Variants in DDX60 observed in about 807,000 individuals in gnomAD.
The protein encoded by DDX60 is probable ATP-dependent RNA helicase DDX60.
DDX60 carries 165 observed loss-of-function variants against 212.8 expected under a neutral mutation model. The observed-to-expected ratio is 0.78, with a 90% CI of 0.68 to 0.88. The LOEUF is 0.88. DDX60 is among the 40% of genes least tolerant of loss of function. The probability of loss-of-function intolerance (pLI) is 0.00; values close to 1 mark genes in which losing one functional copy is unlikely to be tolerated. For synonymous variants in DDX60, 703 were observed against 685.3 expected, an observed-to-expected ratio of 1.03 and a Z score of -0.40; for missense variants, 1,905 against 2,003.9, an observed-to-expected ratio of 0.95 and a Z score of 0.94.
rs35921068 is a variant in DDX60 at position 168,292,024 on chromosome 4, CCTTTCTTT to C, written c.883-126_883-119del. 1,235 of 509,384 alleles carry C rather than the reference CCTTTCTTT, an allele frequency of 2.4e-3. 6 individuals are homozygous for C. Among genetic ancestry groups the C allele is most frequent in the African/African-American group, 0.019 (806 of 41,690 alleles). 31.6% of individuals were successfully genotyped at this position (509,384 alleles called of 1,614,324 possible). A position where few individuals can be genotyped will look rare whatever the true frequency, so the allele number is the denominator to read the frequency against. ...TGCTGTTCAGGAATCATGAATTATT[CCTTTCTTT>C]CTTTCTTTCTTTCTTTCTTTTTTTT... On this transcript the variant is annotated intron_variant, in intron 7 of 37. Transcript: ENST00000393743.
intron 22 of DDX60, among the ~76,000 whole-genome samples, chr4:168,266,738 T>TTCCAAA (rs1734864505): frequency 6.6e-6 from 1 of 152,214 alleles, no homozygotes; most frequent in East Asian, 1.9e-4. Context: ...GGTATGCATT[T>TTCCAAA]AGCTTTTTCC....
chr4:168,216,948 C>A lies in DDX60; in HGVS notation c.5124G>T (p.Lys1708Asn), dbSNP rs755906708. Residue 1708 changes from lysine to asparagine, a missense_variant, in exon 38 of 38, where the codon AAG becomes AAT. Physicochemically the swap from Lys to Asn is moderately conservative, Grantham distance 94. Coordinates refer to ENST00000393743, the MANE Select transcript of DDX60 (RefSeq NM_017631.6). ...FEQLSTTFWE[K>N]LNKV ...GACTTTGTTTTTAGACTTTGTTTAACTTTTCCCAAAAAGTTGTACTCAGTT... is the reference window on the plus strand; with the variant it reads ...GACTTTGTTTTTAGACTTTGTTTAAATTTTCCCAAAAAGTTGTACTCAGTT... The A allele has an allele frequency of 1.3e-6, 2 of 1,598,216 alleles. No homozygotes were observed. Among genetic ancestry groups the A allele is most frequent in the South Asian group, 2.3e-5 (2 of 87,316 alleles).
chr4:168,296,874 C>CTTTT (rs35177897), intron 6 of DDX60, among the ~76,000 whole-genome samples: 3 of 134,794 alleles, frequency 2.2e-5, no homozygotes, highest in African/African-American at 2.8e-5. Flanking sequence ...AAAAAGTGAT[C>CTTTT]TTTTTTTTTT....
chr4:168,285,770 T>G (rs1055232716), intron 10 of DDX60, among the ~76,000 whole-genome samples: 4 of 150,868 alleles, frequency 2.7e-5, no homozygotes, highest in African/African-American at 7.3e-5. Flanking sequence ...GGTGGGTGAA[T>G]GGATGCATGG....
chr4:168,262,985 A>G (rs1734686537), intron 22 of DDX60, among the ~76,000 whole-genome samples, 198 bp from the exon 23 acceptor site: 1 of 152,152 alleles, frequency 6.6e-6, no homozygotes, highest in African/African-American at 2.4e-5. Context: ...CCAAAAGCCC[A>G]CCAAAAAATT....
intron 4 of DDX60, among the ~76,000 whole-genome samples, chr4:168,307,505 G>A (rs1034649236): frequency 2.0e-5 from 3 of 152,022 alleles, no homozygotes; most frequent in African/African-American, 4.8e-5. Flanking sequence ...GTGCAGTGGC[G>A]TGATCATGGC....
In DDX60 at chr4:168,246,418, C is replaced by T. The variant is rs1734024149; in HGVS notation, c.4164G>A (p.Lys1388=). 6.2e-7 allele frequency: 1 copy of T among 1,613,730 alleles called. No homozygotes were observed. Among genetic ancestry groups the T allele is most frequent in the African/African-American group, 1.3e-5 (1 of 74,928 alleles). The stretch of plus-strand genomic sequence containing the variant: ...CCTCAGGCAGTGTCCAGCACGGTAC[C>T]TTTGCCTTGGCATCCTCTGGGTCAT... ...KGDDPEDAKA[K]VLSVLKHSLL... Residue 1388 remains lysine (K), a splice_region_variant and synonymous_variant, in exon 30 of 38, where the codon AAG becomes AAA. Transcript: ENST00000393743.
At chr4:168,290,960 A>T (rs1403480334) in intron 8 of DDX60, among the ~76,000 whole-genome samples, 1 of 152,218 alleles carries the variant, frequency 6.6e-6, no homozygotes, top group Non-Finnish European at 1.5e-5. Flanking sequence ...CCTTAAAAAA[A>T]GTTCATGCCA....
rs746078961 is a variant in DDX60, at chr4:168,280,492, A to G, written c.1821T>C (p.Ser607=). 22 of 1,614,080 alleles carry G rather than the reference A, an allele frequency of 1.4e-5. No individual in the cohort carries two copies. Among genetic ancestry groups the G allele is most frequent in the Middle Eastern group, 1.6e-4 (1 of 6,084 alleles). The change falls in exon 14 of 38, where the codon TCT becomes TCC. Residue 607 remains serine (S), a synonymous_variant. Transcript: ENST00000393743. ...EEQKWNALSF[S]IEEQLKENLH... Reference sequence around the variant, plus strand: ...AATTTTCTTTCAATTGCTCTTCAATAGAAAATGACAAAGCATTCCACTTTT... The same window carrying G: ...AATTTTCTTTCAATTGCTCTTCAATGGAAAATGACAAAGCATTCCACTTTT...
Position 168,283,452 on chromosome 4 carries a change from CT to C in DDX60, c.1715del (p.Lys572ArgfsTer9). On this transcript the variant is annotated frameshift_variant, in exon 13 of 38. Coordinates refer to ENST00000393743, the MANE Select transcript of DDX60 (RefSeq NM_017631.6). LOFTEE classifies it high-confidence loss of function. Reference protein sequence around the residue: ...KKDFSGPKSKKAHETKAEIIA... With the variant: ...KKDFSGPKSKXAHETKAEIIA... Reference sequence around the variant, plus strand: ...TAGAATTTATAGAACCTACGTGTGCCTTTTTGCTCTTGGGCCCACTAAAATC... The same window carrying C: ...TAGAATTTATAGAACCTACGTGTGCCTTTTGCTCTTGGGCCCACTAAAATC... The C allele has an allele frequency of 1.2e-6, 2 of 1,612,912 alleles. No homozygotes were observed. The highest frequency in any genetic ancestry group is 1.1e-5 in the South Asian group (1 of 90,904).
At chr4:168,300,654 C>T (rs1393924030) in intron 6 of DDX60, among the ~76,000 whole-genome samples, 3 of 150,490 alleles carry the variant, frequency 2.0e-5, no homozygotes, top group Admixed American at 6.7e-5. Flanking sequence ...TCAAAATGAA[C>T]GTAATTAAAA....
chr4:168,272,827 G>C (rs1215448363), intron 18 of DDX60, among the ~76,000 whole-genome samples: 1 of 152,104 alleles, frequency 6.6e-6, no homozygotes, highest in African/African-American at 2.4e-5. Flanking sequence ...TTCTTATTTA[G>C]TCTTAATTGT....
chr4:168,231,333 G>A (rs981228292), intron 33 of DDX60, among the ~76,000 whole-genome samples: 3 of 151,744 alleles, frequency 2.0e-5, no homozygotes, highest in African/African-American at 7.3e-5. Context: ...AGAGAAAGAG[G>A]GAATCCTCCC....
In DDX60 at chr4:168,275,438, C is replaced by A; in HGVS notation, c.2211G>T (p.Arg737=). 6.2e-7 allele frequency: 1 copy of A among 1,612,562 alleles called. No individual in the cohort carries two copies. Among genetic ancestry groups the A allele is most frequent in the Non-Finnish European group, 8.5e-7 (1 of 1,179,298 alleles). The change falls in exon 16 of 38, where the codon CGG becomes CGT. Residue 737 remains arginine (R), a synonymous_variant. Coordinates refer to ENST00000393743, the MANE Select transcript of DDX60 (RefSeq NM_017631.6). ...NKYSVGIGPA[R]FQLQYMGHYL... Reference sequence around the variant, plus strand: ...AATGGCCCATGTATTGCAGTTGGAACCGAGCTGGCCCAATGCCAACTGAAT... The same window carrying A: ...AATGGCCCATGTATTGCAGTTGGAAACGAGCTGGCCCAATGCCAACTGAAT...
chr4:168,254,974 AAAGG>A (rs1734348715), intron 26 of DDX60, among the ~76,000 whole-genome samples: 1 of 152,238 alleles, frequency 6.6e-6, no homozygotes, highest in Non-Finnish European at 1.5e-5. Flanking sequence ...AAGCGAGGGC[AAAGG>A]AAGAACATTG....
At chr4:168,248,160 A>T in intron 29 of DDX60, 28 bp downstream of exon 29, 2 of 1,496,778 alleles carry the variant, frequency 1.3e-6, no homozygotes, top group Non-Finnish European at 1.8e-6. Context: ...CAGCAATACA[A>T]TAAGCAAGTT....
At chr4:168,247,549 G>T (rs1292296950) in intron 29 of DDX60, among the ~76,000 whole-genome samples, 1 of 152,188 alleles carries the variant, frequency 6.6e-6, no homozygotes, top group East Asian at 1.9e-4. Flanking sequence ...TCTGCGAGCA[G>T]AAATAATTAT....
chr4:168,250,592 C>G (rs1475311873), intron 28 of DDX60, among the ~76,000 whole-genome samples: 1 of 146,916 alleles, frequency 6.8e-6, no homozygotes, highest in Non-Finnish European at 1.5e-5. Context: ...ATGGCATGAT[C>G]TCGGCTCACT....
At chr4:168,231,167 C>T (rs1733438779) in intron 33 of DDX60, among the ~76,000 whole-genome samples, 1 of 151,820 alleles carries the variant, frequency 6.6e-6, no homozygotes, top group Non-Finnish European at 1.5e-5. Context: ...GAAATAGAAA[C>T]TCTGAACAGA....
Sources: gnomAD v4.1 joint callset for allele counts (sites outside exome capture counted in the v4.1 genomes callset) on GRCh38, gnomAD v4.1.1 for gene constraint, MANE v1.5 for transcripts, NCBI Gene and HGNC (gene_info 2026-07-23, HGNC 2026-07-21) for gene names.